The following TEX15 variants were observed in gnomAD, a reference collection of about 807,000 sequenced individuals.
TEX15 encodes the protein testis-expressed protein 15.
A neutral mutation model predicts 237.3 loss-of-function variants in TEX15; 171 were observed. The observed-to-expected ratio is 0.72, with a 90% confidence interval of 0.64 to 0.82. The LOEUF (loss-of-function observed/expected upper bound fraction) is 0.82. Ranked by LOEUF, TEX15 falls within the 40% of genes least tolerant of loss-of-function variation. TEX15 has a pLI of 0.00. For missense variants in TEX15, 3,750 were observed against 3,646.5 expected, an observed-to-expected ratio of 1.03 and a Z score of -0.73; for synonymous variants, 1,338 against 1,269.8, an observed-to-expected ratio of 1.05 and a Z score of -1.14.
rs1563239339 is a variant in TEX15, at chr8:30,846,161, A to AT, written c.4005dup (p.Ser1336IlefsTer2). The AT allele has an allele frequency of 6.2e-7, 1 of 1,613,378 alleles. No individual in the cohort carries two copies. The highest frequency in any genetic ancestry group is 1.3e-5 in the African/African-American group (1 of 74,904). On this transcript the variant is annotated frameshift_variant, in exon 8 of 11. Coordinates refer to ENST00000643185, the MANE Select transcript of TEX15 (RefSeq NM_001350162.2). LOFTEE classifies it high-confidence loss of function. ...TGGGATAATGAAGAGAAACACTCAG[A>AT]TGAGTCTTGACTGGTTAGCCTCCTC... is the stretch of plus-strand genomic sequence containing the variant.
intron 7 of TEX15, among the ~76,000 whole-genome samples, chr8:30,856,954 C>T (rs1368853667): frequency 6.6e-6 from 1 of 151,922 alleles, no homozygotes; most frequent in Non-Finnish European, 1.5e-5. Flanking sequence ...AGCAAAGGAC[C>T]AGAAACAAAA....
chr8:30,854,138 TAA>T (rs768991724), intron 7 of TEX15, among the ~76,000 whole-genome samples: 6 of 135,030 alleles, frequency 4.4e-5, no homozygotes, highest in Non-Finnish European at 9.7e-5. Flanking sequence ...CAGAAAAAAA[TAA>T]AGAGAGGAAA....
At chr8:30,891,541 G>A (rs892105999) in intron 2 of TEX15, among the ~76,000 whole-genome samples, 14 of 151,582 alleles carry the variant, frequency 9.2e-5, no homozygotes, top group Admixed American at 1.3e-4. Context: ...GTGAAGTGGC[G>A]TGATCTCAGC....
intron 3 of TEX15, among the ~76,000 whole-genome samples, chr8:30,882,736 TAG>T: frequency 6.6e-6 from 1 of 152,238 alleles, no homozygotes; most frequent in African/African-American, 2.4e-5. Flanking sequence ...TTGACAGTGT[TAG>T]ATTCTTCAAT....
At chr8:30,877,526 G>C (rs975705007) in intron 3 of TEX15, among the ~76,000 whole-genome samples, 2 of 151,754 alleles carry the variant, frequency 1.3e-5, no homozygotes, top group Admixed American at 1.3e-4. Flanking sequence ...TTCTATTATT[G>C]ACCCCCAAAA....
intron 1 of TEX15, among the ~76,000 whole-genome samples, chr8:30,911,321 T>C (rs957987916): frequency 9.2e-5 from 14 of 152,106 alleles, no homozygotes; most frequent in Non-Finnish European, 1.8e-4. Context: ...ACTACTATTA[T>C]TATTATTTTT....
intron 3 of TEX15, among the ~76,000 whole-genome samples, chr8:30,883,118 C>CT (rs945318210): frequency 9.9e-5 from 15 of 150,922 alleles, no homozygotes; most frequent in African/African-American, 2.2e-4. Context: ...CTTTCTCTAT[C>CT]TTTTTTTTTA....
rs770815905 is a variant in TEX15, at chr8:30,848,208, G to A, written c.1959C>T (p.Ile653=). Reference sequence around the variant, plus strand: ...AAACAATGTAATTATCTATTGGACTGATTTTTGTTTCATTAGTGAAATCAT... The same window carrying A: ...AAACAATGTAATTATCTATTGGACTAATTTTTGTTTCATTAGTGAAATCAT... ...IDNDFTNETK[I]SPIDNYIVLH... is the part of the protein sequence containing the mutation. The change falls in exon 8 of 11, where the codon ATC becomes ATT. Residue 653 remains isoleucine, a synonymous_variant. Transcript: ENST00000643185. 4 of 1,612,260 alleles carry A rather than the reference G, an allele frequency of 2.5e-6. No individual in the cohort carries two copies. Among genetic ancestry groups the A allele is most frequent in the Non-Finnish European group, 3.4e-6 (4 of 1,179,726 alleles).
intron 10 of TEX15, 68 bp from the exon 11 acceptor site, chr8:30,833,391 G>C: frequency 8.3e-7 from 1 of 1,205,068 alleles, no homozygotes; most frequent in Non-Finnish European, 1.2e-6. Flanking sequence ...TACTATAGTG[G>C]AAAGAACCTG....
chr8:30,880,895 C>T (rs917043342), intron 3 of TEX15, among the ~76,000 whole-genome samples: 3 of 152,028 alleles, frequency 2.0e-5, no homozygotes, highest in Non-Finnish European at 4.4e-5. Flanking sequence ...AGTGACCTTG[C>T]TGAACTTACT....
chr8:30,891,730 T>G (rs1229720506), intron 2 of TEX15, among the ~76,000 whole-genome samples: 1 of 152,170 alleles, frequency 6.6e-6, no homozygotes, highest in Non-Finnish European at 1.5e-5. Flanking sequence ...CGCCTCAGCC[T>G]CCCAAAGTGC....
In TEX15 at chr8:30,832,253, C is replaced by A. The variant is rs1335093122; in HGVS notation, c.*1033G>T. On this transcript the variant is annotated 3_prime_UTR_variant, in exon 11 of 11. Transcript: ENST00000643185. ...CTTACATAAAAAGTTTGCAAAAGCA[C>A]TGAAGCTTTGCTAGTTATTTGTTGT... The A allele has an allele frequency of 6.6e-6, 1 of 152,226 alleles. No homozygotes were observed. The highest frequency in any genetic ancestry group is 1.5e-5 in the Non-Finnish European group (1 of 68,038). The allele number at this position is 152,226 out of a possible 1,614,324, so 9.4% of individuals were successfully genotyped here. A position where few individuals can be genotyped will look rare whatever the true frequency, so the allele number is the denominator to read the frequency against.
chr8:30,865,974 T>A (rs1808154478), intron 5 of TEX15, among the ~76,000 whole-genome samples: 1 of 152,054 alleles, frequency 6.6e-6, no homozygotes. Flanking sequence ...ATGAAGTGCA[T>A]CAAAATGGGA....
chr8:30,899,616 A>C (rs1808970318), intron 1 of TEX15, among the ~76,000 whole-genome samples: 1 of 152,026 alleles, frequency 6.6e-6, no homozygotes, highest in South Asian at 2.1e-4. Context: ...GTGCCCGGCT[A>C]ATTTTTGTAT....
intron 9 of TEX15, 86 bp from the exon 10 acceptor site, chr8:30,838,147 TC>T: frequency 8.3e-7 from 1 of 1,209,280 alleles, no homozygotes; most frequent in Non-Finnish European, 1.1e-6. Context: ...GAAATTTTTA[TC>T]CAGGGGAAGA....
intron 4 of TEX15, among the ~76,000 whole-genome samples, chr8:30,870,601 T>C (rs1246550864): frequency 6.6e-6 from 1 of 152,020 alleles, no homozygotes; most frequent in Non-Finnish European, 1.5e-5. Context: ...TCTTTAAAGA[T>C]AACTTAATAA....
At chr8:30,874,230 C>G (rs1296432163) in intron 4 of TEX15, among the ~76,000 whole-genome samples, 1 of 152,112 alleles carries the variant, frequency 6.6e-6, no homozygotes, top group Non-Finnish European at 1.5e-5. Flanking sequence ...CCAAAACATT[C>G]CAAAACGAGT....
chr8:30,906,558 C>A (rs1355793063), intron 1 of TEX15, among the ~76,000 whole-genome samples: 1 of 148,902 alleles, frequency 6.7e-6, no homozygotes, highest in African/African-American at 2.5e-5. Context: ...CCACTGCACT[C>A]CAGCCTGGGT....
At chr8:30,904,853 T>A (rs946595757) in intron 1 of TEX15, among the ~76,000 whole-genome samples, 1 of 138,288 alleles carries the variant, frequency 7.2e-6, no homozygotes, top group African/African-American at 2.4e-5. Flanking sequence ...AACCTAAAAT[T>A]AAAAAAATGT....
Sources: gnomAD v4.1 joint callset for allele counts (sites outside exome capture counted in the v4.1 genomes callset) on GRCh38, gnomAD v4.1.1 for gene constraint, MANE v1.5 for transcripts, NCBI Gene and HGNC (gene_info 2026-07-23, HGNC 2026-07-21) for gene names.